Variants in TENM3 observed in about 807,000 individuals in gnomAD.
TENM3 encodes the protein teneurin transmembrane protein 3.
Under a neutral mutation model 255.1 loss-of-function variants are expected in TENM3, and 63 were observed. The observed-to-expected ratio is 0.25, with a 90% CI of 0.20 to 0.30. The LOEUF (loss-of-function observed/expected upper bound fraction) is 0.30. Among genes scored for constraint, TENM3 ranks in the 10% least tolerant of loss-of-function variants. The pLI, the probability that TENM3 is intolerant of heterozygous loss-of-function variation, is 1.00. For synonymous variants in TENM3, 1,306 were observed against 1,322.3 expected (o/e 0.99, Z 0.27); for missense variants, 2,929 against 3,461.1 (o/e 0.85, Z 3.86).
At chr4:182,145,253 A>T (rs553126734) in intron 1 of TENM3, 1 of 152,200 alleles carries the variant, frequency 6.6e-6, no homozygotes, top group Admixed American at 6.5e-5. Context: ...TGCAGCGATC[A>T]GGGAGCCAAG....
At chr4:181,532,802 T>A in the TENM3 span, among the ~76,000 whole-genome samples, 1 of 152,204 alleles carries the variant, frequency 6.6e-6, no homozygotes, top group East Asian at 1.9e-4. Flanking sequence ...TACTACAATA[T>A]TTAACCTAAC....
At chr4:181,613,213 G>A in the TENM3 span, among the ~76,000 whole-genome samples, 3 of 152,168 alleles carry the variant, frequency 2.0e-5, no homozygotes, top group Non-Finnish European at 4.4e-5. Flanking sequence ...TAGATGCTAC[G>A]TACGTGAAGG....
chr4:182,766,424 T>C (rs1251726806), intron 22 of TENM3, among the ~76,000 whole-genome samples: 1 of 152,178 alleles, frequency 6.6e-6, no homozygotes, highest in Non-Finnish European at 1.5e-5. Flanking sequence ...CTTCTCTTAA[T>C]GATGGCTAAC....
At chr4:181,664,065 C>T in the TENM3 span, among the ~76,000 whole-genome samples, 16 of 152,152 alleles carry the variant, frequency 1.1e-4, no homozygotes, top group Non-Finnish European at 1.6e-4. Context: ...CTCTGGAGCT[C>T]GACCATCTGG....
intron 22 of TENM3, 144 bp from the exon 23 acceptor site, chr4:182,773,328 T>C: frequency 1.4e-6 from 1 of 691,060 alleles, no homozygotes; most frequent in South Asian, 2.6e-5. Flanking sequence ...AAAGCATGTT[T>C]GAAGTCTTCA....
the TENM3 span, among the ~76,000 whole-genome samples, chr4:181,693,353 T>C: frequency 6.6e-6 from 1 of 152,124 alleles, no homozygotes; most frequent in Non-Finnish European, 1.5e-5. Context: ...ACCTGTCAGG[T>C]TCATTTGCAT....
chr4:182,514,241 A>C (rs547665307), intron 3 of TENM3, among the ~76,000 whole-genome samples: 3 of 152,348 alleles, frequency 2.0e-5, no homozygotes, highest in East Asian at 1.9e-4. Flanking sequence ...GGGGATGAGG[A>C]GAAACATTCA....
Position 182,228,796 on chromosome 4 carries a change from A to G in TENM3, c.-76+84042A>G, listed in dbSNP as rs2597157. ...CCTTCACTCCTAGCATTATGGTAGG[A>G]TTTCTATCTTTGTTTTATTCTGTCA... On this transcript the variant is annotated intron_variant, in intron 1 of 2. Transcript: ENST00000512480. Among the ~76,000 whole-genome samples the G allele has an allele frequency of 6.4e-3, 971 of 152,268 alleles. 6 individuals are homozygous for G. Among genetic ancestry groups the G allele is most frequent in the African/African-American group, 0.022 (926 of 41,550 alleles).
intron 1 of TENM3, among the ~76,000 whole-genome samples, chr4:182,146,179 C>G (rs1260544836): frequency 6.6e-6 from 1 of 152,132 alleles, no homozygotes; most frequent in Non-Finnish European, 1.5e-5. Context: ...TTTAATATTT[C>G]AATTAAAACA....
At chr4:182,763,941 A>T in intron 22 of TENM3, among the ~76,000 whole-genome samples, 1 of 152,232 alleles carries the variant, frequency 6.6e-6, no homozygotes, top group Admixed American at 6.5e-5. Flanking sequence ...TTCACCCCTT[A>T]CTAATTTAAT....
the TENM3 span, among the ~76,000 whole-genome samples, chr4:181,994,566 T>G: frequency 6.5e-3 from 970 of 150,264 alleles, 13 homozygotes; most frequent in African/African-American, 0.022. Context: ...TTTTTTTTTT[T>G]TTTGTGAACT....
chr4:182,362,440 C>T (rs1299373487), intron 3 of TENM3, among the ~76,000 whole-genome samples: 4 of 151,894 alleles, frequency 2.6e-5, no homozygotes, highest in Admixed American at 2.6e-4. Flanking sequence ...TCGCCCCTCC[C>T]CCAGCCTCAC....
the TENM3 span, among the ~76,000 whole-genome samples, chr4:181,729,291 A>G: frequency 2.0e-5 from 3 of 152,300 alleles, no homozygotes; most frequent in South Asian, 4.1e-4. Context: ...CATTGAAGCT[A>G]TGTGGACAAT....
the TENM3 span, among the ~76,000 whole-genome samples, chr4:182,128,438 A>G: frequency 1.3e-5 from 2 of 152,086 alleles, no homozygotes; most frequent in Non-Finnish European, 2.9e-5. Flanking sequence ...ACAGCTTCCC[A>G]AAGTGCTGGG....
At chr4:181,896,002 CATTCCCCCTGCTAATTGCTTTCT>C in the TENM3 span, among the ~76,000 whole-genome samples, 1 of 152,190 alleles carries the variant, frequency 6.6e-6, no homozygotes, top group African/African-American at 2.4e-5. Context: ...GACTTCCTGA[CATTCCCCCTGCTAATTGCTTTCT>C]CTACTGTTAT....
chr4:182,520,055 A>G (rs1279869044), intron 3 of TENM3, among the ~76,000 whole-genome samples: 2 of 152,146 alleles, frequency 1.3e-5, no homozygotes, highest in African/African-American at 4.8e-5. Context: ...GCAATTATTA[A>G]TAGGTATGTA....
At chr4:181,979,663 T>C in the TENM3 span, among the ~76,000 whole-genome samples, 1,845 of 152,120 alleles carry the variant, frequency 0.012, 33 homozygotes, top group African/African-American at 0.042. Context: ...CTTTTGGCCA[T>C]ATGATGATGC....
intron 1 of TENM3, among the ~76,000 whole-genome samples, chr4:182,211,094 C>T (rs1316729092): frequency 2.0e-5 from 3 of 152,250 alleles, no homozygotes; most frequent in Non-Finnish European, 2.9e-5. Flanking sequence ...GAGGAGATGT[C>T]ACCAAAACGG....
At chr4:182,565,728 G>C (rs1175042663) in intron 3 of TENM3, among the ~76,000 whole-genome samples, 1 of 152,124 alleles carries the variant, frequency 6.6e-6, no homozygotes, top group African/African-American at 2.4e-5. Flanking sequence ...TATGTAGCAG[G>C]ATTAGACATC....
Sources: gnomAD v4.1 joint callset for allele counts (sites outside exome capture counted in the v4.1 genomes callset) on GRCh38, gnomAD v4.1.1 for gene constraint, MANE v1.5 for transcripts, NCBI Gene and HGNC (gene_info 2026-07-23, HGNC 2026-07-21) for gene names.